ARPP21: variants seen among roughly 807,000 people sequenced by gnomAD.
ARPP21 encodes the protein cAMP regulated phosphoprotein 21.
A neutral mutation model predicts 113.2 loss-of-function variants in ARPP21; 69 were observed. That is an observed-to-expected ratio of 0.61 (90% CI 0.50 to 0.74). ARPP21 has a LOEUF of 0.74. ARPP21 is among the 30% of genes least tolerant of loss of function. The pLI is 0.00. For missense variants in ARPP21, 1,070 were observed against 1,037.4 expected (o/e 1.03, Z -0.43); for synonymous variants, 368 against 375.5 (o/e 0.98, Z 0.23).
intron 9 of ARPP21, among the ~76,000 whole-genome samples, chr3:35,705,325 T>G (rs1232687693): frequency 6.6e-6 from 1 of 152,156 alleles, no homozygotes; most frequent in Non-Finnish European, 1.5e-5. Context: ...AATAAGAAAT[T>G]GAAGTGTCTT....
chr3:35,765,851 C>A (rs2095953322), intron 19 of ARPP21, among the ~76,000 whole-genome samples: 1 of 151,988 alleles, frequency 6.6e-6, no homozygotes, highest in African/African-American at 2.4e-5. Context: ...TCTGTGTGAC[C>A]TTAAACAAAG....
intron 15 of ARPP21, among the ~76,000 whole-genome samples, chr3:35,736,546 A>G (rs1345179644): frequency 6.6e-6 from 1 of 152,198 alleles, no homozygotes; most frequent in East Asian, 1.9e-4. Flanking sequence ...AAGGCAAAAG[A>G]ATATATATTA....
At chr3:35,691,785 C>T (rs1364584452) in intron 9 of ARPP21, among the ~76,000 whole-genome samples, 1 of 151,526 alleles carries the variant, frequency 6.6e-6, no homozygotes, top group East Asian at 2.0e-4. Context: ...TAACAAAAGG[C>T]ATGTTAAACT....
At chr3:35,788,513 T>C (rs543925201) in intron 19 of ARPP21, among the ~76,000 whole-genome samples, 1 of 152,290 alleles carries the variant, frequency 6.6e-6, no homozygotes, top group Admixed American at 6.5e-5. Context: ...TCTGAAGAAA[T>C]GTGCTTGGTA....
At chr3:35,789,627 A>G (rs1334945456) in intron 19 of ARPP21, among the ~76,000 whole-genome samples, 1 of 152,176 alleles carries the variant, frequency 6.6e-6, no homozygotes, top group Non-Finnish European at 1.5e-5. Context: ...ATAACTGAAT[A>G]TTAAAGTTCA....
At chr3:35,704,134 T>C (rs1340665003) in intron 9 of ARPP21, among the ~76,000 whole-genome samples, 1 of 151,872 alleles carries the variant, frequency 6.6e-6, no homozygotes, top group Non-Finnish European at 1.5e-5. Flanking sequence ...CATTCAATAT[T>C]TCTGGAAAAA....
In ARPP21 at chr3:35,685,942, G is replaced by T. The variant is rs1485120699; in HGVS notation, c.262-1797G>T. 6 of 366,050 alleles carry T rather than the reference G, an allele frequency of 1.6e-5. No homozygotes were observed. The Admixed American group carries it at 1.9e-4, about 12-fold the overall frequency. The allele number at this position is 366,050 out of a possible 1,614,324, so 22.7% of individuals were successfully genotyped here. ...CACCGTAATATATATGCATAGAAAA[G>T]ATATTTTTTTTCCTGAGTATAGTAT... On this transcript the variant is annotated intron_variant, in intron 5 of 20. Coordinates refer to ENST00000684406, the MANE Select transcript of ARPP21 (RefSeq NM_001385562.1).
chr3:35,766,909 G>C (rs1324914755), intron 19 of ARPP21, among the ~76,000 whole-genome samples: 1 of 152,116 alleles, frequency 6.6e-6, no homozygotes. Flanking sequence ...GCAATGGTGT[G>C]AGCTTACCAA....
Position 35,794,122 on chromosome 3 carries a change from G to T in ARPP21, c.*164G>T. ...ACAAAGACTAATATACACGTTAGCT[G>T]GTTAATGGTGCATATTTCTGTCATG... On this transcript the variant is annotated 3_prime_UTR_variant, in exon 21 of 21. Transcript: ENST00000684406. The T allele has an allele frequency of 3.1e-6, 2 of 652,166 alleles. No individual in the cohort carries two copies. The highest frequency in any genetic ancestry group is 5.3e-6 in the Non-Finnish European group (2 of 380,758). 40.4% of individuals were successfully genotyped at this position (652,166 alleles called of 1,614,324 possible).
intron 6 of ARPP21, among the ~76,000 whole-genome samples, chr3:35,688,577 G>C (rs1031920745): frequency 4.6e-5 from 7 of 151,532 alleles, no homozygotes. Context: ...GCTTGCAGTA[G>C]ACTTAAACAA....
chr3:35,756,794 A>C (rs1159745051), intron 19 of ARPP21, among the ~76,000 whole-genome samples: 1 of 152,150 alleles, frequency 6.6e-6, no homozygotes, highest in Non-Finnish European at 1.5e-5. Flanking sequence ...AGAATAAAAA[A>C]TAAATGGCAG....
intron 19 of ARPP21, chr3:35,785,130 T>A (rs2096602585): frequency 6.6e-6 from 1 of 152,168 alleles, no homozygotes; most frequent in South Asian, 2.1e-4. Flanking sequence ...CCAAGCTTGG[T>A]CTGGGGAAAA....
chr3:35,676,817 A>G (rs1416099821), intron 1 of ARPP21, among the ~76,000 whole-genome samples: 2 of 151,870 alleles, frequency 1.3e-5, no homozygotes, highest in Non-Finnish European at 2.9e-5. Flanking sequence ...CTTAATTTTA[A>G]AGGTTCAAAA....
chr3:35,739,388 C>G lies in ARPP21; in HGVS notation c.1821C>G (p.Pro607=). 1.2e-6 allele frequency: 2 copies of G among 1,614,122 alleles called. No individual in the cohort carries two copies. Among genetic ancestry groups the G allele is most frequent in the Non-Finnish European group, 1.7e-6 (2 of 1,180,036 alleles). ...SRQSSGETPE[P]PSGPVYPSSL... ...AGTCCTCGGGGGAGACTCCTGAACC[C>G]CCATCAGGTCCTGTCTACCCATCCT... Residue 607 remains proline (P), a synonymous_variant, in exon 18 of 21, where the codon CCC becomes CCG. Transcript: ENST00000684406.
intron 19 of ARPP21, among the ~76,000 whole-genome samples, chr3:35,786,160 C>A (rs1294996189): frequency 6.6e-6 from 1 of 152,118 alleles, no homozygotes; most frequent in African/African-American, 2.4e-5. Context: ...TATATTTTAA[C>A]CGTATCTTAA....
chr3:35,738,100 C>A, intron 16 of ARPP21, 114 bp from the exon 17 acceptor site: 1 of 627,932 alleles, frequency 1.6e-6, no homozygotes, highest in Admixed American at 2.7e-5. Context: ...TGGCTAGTTC[C>A]CCTCTCTGGA....
intron 1 of ARPP21, among the ~76,000 whole-genome samples, chr3:35,663,573 C>A (rs1448830220): frequency 6.6e-6 from 1 of 152,196 alleles, no homozygotes; most frequent in Non-Finnish European, 1.5e-5. Flanking sequence ...TAGCACAAAG[C>A]ACAGCCTCCC....
chr3:35,759,846 A>T (rs1444512275), intron 19 of ARPP21, among the ~76,000 whole-genome samples: 3 of 152,040 alleles, frequency 2.0e-5, no homozygotes, highest in African/African-American at 7.2e-5. Context: ...TAAACTGAAG[A>T]ATTAAAGAAA....
Position 35,793,714 on chromosome 3 carries a change from A to G in ARPP21, c.2300A>G (p.Gln767Arg). ...GTCTTTTTACAGGTGCCAATGACCC[A>G]GGGTTCTCAAGGACTGCCCCAGCAG... is the stretch of plus-strand genomic sequence containing the variant. ...TMSSYQVPMT[Q>R]GSQGLPQQSY... The change falls in exon 21 of 21, where the codon CAG becomes CGG. Residue 767 changes from glutamine to arginine, a missense_variant. Physicochemically the swap from Gln to Arg is conservative, Grantham distance 43. Coordinates refer to ENST00000684406, the MANE Select transcript of ARPP21 (RefSeq NM_001385562.1). 6 of 1,613,666 alleles carry G rather than the reference A, an allele frequency of 3.7e-6. No homozygotes were observed. The Admixed American group carries it at 1.0e-4, about 27-fold the overall frequency.
Sources: allele counts gnomAD v4.1 joint callset (sites outside exome capture counted in the v4.1 genomes callset), GRCh38; gene constraint gnomAD v4.1.1; transcripts MANE v1.5; gene names NCBI Gene and HGNC (gene_info 2026-07-23, HGNC 2026-07-21).